Variants in SENP2 observed in about 807,000 individuals in gnomAD.
SENP2 encodes the protein SUMO specific peptidase 2, also known as sentrin-specific protease 2.
In SENP2, 16 loss-of-function variants were observed where a neutral mutation model predicts 86.3. The ratio of observed to expected loss-of-function variants is 0.19; its 90% CI spans 0.13 to 0.28. The LOEUF is 0.28. SENP2 is among the 10% of genes least tolerant of loss of function. SENP2 has a pLI of 1.00. For missense variants in SENP2, 552 were observed against 703.0 expected, an observed-to-expected ratio of 0.79 and a Z score of 2.43; for synonymous variants, 222 against 238.7, an observed-to-expected ratio of 0.93 and a Z score of 0.64.
chr3:185,597,187 A>AGC (rs1482388075), intron 2 of SENP2, among the ~76,000 whole-genome samples: 1 of 152,080 alleles, frequency 6.6e-6, no homozygotes, highest in East Asian at 1.9e-4. Context: ...AACTCTGCTT[A>AGC]AAAGTTGTCA....
At chr3:185,612,909 T>G (rs1416206247) in intron 9 of SENP2, among the ~76,000 whole-genome samples, 1 of 152,052 alleles carries the variant, frequency 6.6e-6, no homozygotes, top group African/African-American at 2.4e-5. Flanking sequence ...AGATGGGAGT[T>G]TGGTTGGAGT....
intron 15 of SENP2, among the ~76,000 whole-genome samples, 180 bp downstream of exon 15, chr3:185,624,262 C>T (rs1252206773): frequency 1.3e-5 from 2 of 151,786 alleles, no homozygotes; most frequent in South Asian, 2.1e-4. Flanking sequence ...AGGCTAGTCT[C>T]GGGCCTCCCA....
intron 2 of SENP2, 107 bp downstream of exon 2, chr3:185,590,276 C>A (rs868842205): frequency 3.1e-5 from 15 of 489,148 alleles, no homozygotes; most frequent in Non-Finnish European, 4.5e-5. Flanking sequence ...AAGTCTTGGC[C>A]GGGCGCAGTG....
intron 2 of SENP2, among the ~76,000 whole-genome samples, chr3:185,594,151 T>C (rs1206828082): frequency 6.6e-6 from 1 of 151,832 alleles, no homozygotes; most frequent in Non-Finnish European, 1.5e-5. Context: ...AAATAGCTTG[T>C]ACTTGGATGT....
Position 185,614,833 on chromosome 3 carries a change from A to T in SENP2, c.1110+93A>T, listed in dbSNP as rs917254836. On this transcript the variant is annotated intron_variant, in intron 11 of 16. Coordinates refer to ENST00000296257, the MANE Select transcript of SENP2 (RefSeq NM_021627.3). ...ATGTTTTGTTTTGAGGACTTTCTCC[A>T]GGCTAGGGGTGAATATATGAAAACA... The T allele has an allele frequency of 1.4e-5, 17 of 1,203,688 alleles. No homozygotes were observed. In the African/African-American group the frequency reaches 2.5e-4, roughly 18 times the overall value. 74.6% of individuals were successfully genotyped at this position (1,203,688 alleles called of 1,614,324 possible). A position where few individuals can be genotyped will look rare whatever the true frequency, so the allele number is the denominator to read the frequency against.
chr3:185,614,522 G>C, intron 10 of SENP2, 42 bp from the exon 11 acceptor site: 1 of 1,527,788 alleles, frequency 6.5e-7, no homozygotes. Context: ...ATATTTGCAA[G>C]TATCAAACAT....
intron 2 of SENP2, 94 bp downstream of exon 2, chr3:185,590,263 A>T: frequency 1.6e-6 from 1 of 630,354 alleles, no homozygotes; most frequent in Non-Finnish European, 2.6e-6. Context: ...TCTGGTAAAA[A>T]GTAAGTCTTG....
intron 4 of SENP2, among the ~76,000 whole-genome samples, chr3:185,599,416 G>C (rs1359391399): frequency 3.9e-5 from 6 of 152,090 alleles, no homozygotes; most frequent in Non-Finnish European, 7.3e-5. Context: ...GCAGCCTTAG[G>C]TTCCCAGTTA....
chr3:185,616,737 T>C (rs1711625085), intron 11 of SENP2, among the ~76,000 whole-genome samples: 1 of 144,182 alleles, frequency 6.9e-6, no homozygotes, highest in South Asian at 2.2e-4. Flanking sequence ...ATGGCGCCAC[T>C]GCACTCCGGC....
intron 1 of SENP2, among the ~76,000 whole-genome samples, chr3:185,588,392 C>T (rs1425990593): frequency 1.3e-5 from 2 of 151,812 alleles, no homozygotes; most frequent in East Asian, 3.9e-4. Flanking sequence ...GGGGTTTCAC[C>T]GTGTTAGCCA....
chr3:185,623,203 G>A (rs1337365920), intron 14 of SENP2, among the ~76,000 whole-genome samples: 8 of 144,290 alleles, frequency 5.5e-5, no homozygotes, highest in Admixed American at 1.4e-4. Flanking sequence ...GTGCAATGGC[G>A]TGATCTCGGC....
At chr3:185,597,714 C>CG (rs1473347446) in intron 2 of SENP2, among the ~76,000 whole-genome samples, 5 of 150,654 alleles carry the variant, frequency 3.3e-5, no homozygotes, top group African/African-American at 1.2e-4. Context: ...AGTGTAATGG[C>CG]GCGATCTTGG....
Position 185,598,408 on chromosome 3 carries a change from C to T in SENP2, c.158-4C>T. The T allele has an allele frequency of 6.2e-7, 1 of 1,613,440 alleles. No individual in the cohort carries two copies. On this transcript the variant is annotated splice_polypyrimidine_tract_variant and splice_region_variant and intron_variant, in intron 2 of 16. Transcript: ENST00000296257. ...TATATTTACAGTTTGTTGACACTTT[C>T]TAGATTGCTTTATTCACCAAGTGAA... is the stretch of plus-strand genomic sequence containing the variant.
In SENP2 at chr3:185,629,530, C is replaced by T. The variant is rs145474996; in HGVS notation, c.1708-252C>T. ...GAGGCAGAGGTTGCAGTGAGCAGAT[C>T]GCGCCACTGCACTCCAGCCTGGGTG... On this transcript the variant is annotated intron_variant, in intron 16 of 16. Transcript: ENST00000296257. 4.5e-3 allele frequency among the ~76,000 whole-genome samples: 684 copies of T among 150,902 alleles called. 6 individuals are homozygous for T. Among genetic ancestry groups the T allele is most frequent in the African/African-American group, 0.016 (642 of 41,012 alleles).
chr3:185,604,762 T>TC (rs1180847466), intron 5 of SENP2, among the ~76,000 whole-genome samples: 2 of 151,930 alleles, frequency 1.3e-5, no homozygotes, highest in African/African-American at 4.8e-5. Flanking sequence ...TTTTTTCTTT[T>TC]CTTTTTTTTT....
chr3:185,623,463 T>A (rs1315953460), intron 14 of SENP2, among the ~76,000 whole-genome samples: 2 of 152,148 alleles, frequency 1.3e-5, no homozygotes, highest in East Asian at 3.8e-4. Flanking sequence ...TATCTTAATT[T>A]TGGTGGGGGC....
At chr3:185,615,635 C>T (rs569551977) in intron 11 of SENP2, among the ~76,000 whole-genome samples, 5 of 152,110 alleles carry the variant, frequency 3.3e-5, no homozygotes, top group African/African-American at 1.2e-4. Flanking sequence ...CAAGCCACTG[C>T]CCCCGGCCTA....
chr3:185,598,923 T>C lies in SENP2; in HGVS notation c.292-35T>C, dbSNP rs760878949. On this transcript the variant is annotated intron_variant, in intron 3 of 16. Transcript: ENST00000296257. The stretch of plus-strand genomic sequence containing the variant: ...AGAAAGTTATTTAGGTGACAAAATT[T>C]AGATGCTACAGAAGTGATTCTGTTT... The C allele has an allele frequency of 3.9e-6, 6 of 1,541,798 alleles. No homozygotes were observed. The South Asian group carries it at 5.8e-5, about 15-fold the overall frequency.
At chr3:185,622,167 G>A (rs568941349) in intron 14 of SENP2, among the ~76,000 whole-genome samples, 3 of 152,274 alleles carry the variant, frequency 2.0e-5, no homozygotes, top group African/African-American at 7.2e-5. Flanking sequence ...CTTTGGCATC[G>A]ATACGTTATT....
Sources: allele counts gnomAD v4.1 joint callset (sites outside exome capture counted in the v4.1 genomes callset), GRCh38; gene constraint gnomAD v4.1.1; transcripts MANE v1.5; gene names NCBI Gene and HGNC (gene_info 2026-07-23, HGNC 2026-07-21).